Variants in ADHFE1 observed in about 807,000 individuals in gnomAD.
ADHFE1 encodes hydroxyacid-oxoacid transhydrogenase, mitochondrial.
Under a neutral mutation model 54.8 loss-of-function variants are expected in ADHFE1, and 37 were observed. The ratio of observed to expected loss-of-function variants is 0.68; its 90% CI spans 0.52 to 0.89. The LOEUF is 0.89. Among genes scored for constraint, ADHFE1 ranks in the 40% least tolerant of loss-of-function variants. The pLI is 0.00. For missense variants in ADHFE1, 601 were observed against 591.2 expected, an observed-to-expected ratio of 1.02 and a Z score of -0.17; for synonymous variants, 203 against 229.3, an observed-to-expected ratio of 0.89 and a Z score of 1.04.
chr8:66,467,756 A>G (rs939137373), intron 13 of ADHFE1, among the ~76,000 whole-genome samples: 3 of 152,186 alleles, frequency 2.0e-5, no homozygotes, highest in African/African-American at 7.2e-5. Flanking sequence ...TTAACAAATC[A>G]CTGGATTTGC....
intron 13 of ADHFE1, among the ~76,000 whole-genome samples, chr8:66,464,141 C>T (rs1351559381): frequency 1.3e-5 from 2 of 152,192 alleles, no homozygotes; most frequent in East Asian, 1.9e-4. Context: ...GAATTTATTT[C>T]GTTCCCATGT....
rs1806626144 is a variant in ADHFE1 at position 66,457,072 on chromosome 8, C to G, written c.1068C>G (p.Pro356=). The G allele has an allele frequency of 6.2e-7, 1 of 1,613,208 alleles. No homozygotes were observed. Among genetic ancestry groups the G allele is most frequent in the Middle Eastern group, 1.7e-4 (1 of 6,036 alleles). The change falls in exon 12 of 14, where the codon CCC becomes CCG. Residue 356 remains proline (P), a splice_region_variant and synonymous_variant. Transcript: ENST00000396623. ...CACCGCATTTCGTTTCTCCCCAGCC[C>G]CATGGCCTTTCTGTGGTGCTCACGT... ...KDYNVDHPLV[P]HGLSVVLTSP...
chr8:66,434,420 C>G (rs1586426112), intron 1 of ADHFE1, among the ~76,000 whole-genome samples: 1 of 99,702 alleles, frequency 1.0e-5, no homozygotes, highest in Non-Finnish European at 2.3e-5. Context: ...TAACAAAACT[C>G]TAACCTAGAA....
chr8:66,440,124 C>A (rs1487203793), intron 1 of ADHFE1, 38 bp from the exon 2 acceptor site: 14 of 1,603,658 alleles, frequency 8.7e-6, no homozygotes, highest in Non-Finnish European at 1.2e-5. Context: ...TCTATTTTCA[C>A]CTTAGGTTTT....
chr8:66,449,672 C>T (rs1360917899), intron 8 of ADHFE1, among the ~76,000 whole-genome samples: 2 of 152,210 alleles, frequency 1.3e-5, no homozygotes, highest in African/African-American at 4.8e-5. Context: ...ATGGAGACCC[C>T]ACAGGCACTT....
chr8:66,435,489 C>G (rs1480284518), intron 1 of ADHFE1, among the ~76,000 whole-genome samples: 1 of 151,854 alleles, frequency 6.6e-6, no homozygotes, highest in Non-Finnish European at 1.5e-5. Context: ...TGCTTCAGTG[C>G]TCACATTTCT....
chr8:66,432,907 A>G, intron 1 of ADHFE1: 2 of 1,138,034 alleles, frequency 1.8e-6, no homozygotes, highest in Non-Finnish European at 2.2e-6. Flanking sequence ...CAATTGACAC[A>G]TATTTATTGG....
chr8:66,437,021 TG>T (rs1805498646), intron 1 of ADHFE1, among the ~76,000 whole-genome samples: 1 of 152,040 alleles, frequency 6.6e-6, no homozygotes, highest in East Asian at 1.9e-4. Flanking sequence ...GCTGGGAAGC[TG>T]GTCAGTTGAG....
At chr8:66,465,532 A>G (rs1017682253) in intron 13 of ADHFE1, among the ~76,000 whole-genome samples, 11 of 152,174 alleles carry the variant, frequency 7.2e-5, no homozygotes, top group African/African-American at 2.7e-4. Context: ...TTGGAGAAAT[A>G]ACTAATCAAG....
At position 66,442,860 on chromosome 8, in the gene ADHFE1, C is replaced by A; in HGVS notation, c.144+16C>A. ...TGCCTTTGAGGTATATTCACTCAAT[C>A]CATTATTTCTTTTATGAATGACTAG... On this transcript the variant is annotated intron_variant, in intron 3 of 13. Coordinates refer to ENST00000396623, the MANE Select transcript of ADHFE1 (RefSeq NM_144650.3). 1 of 1,547,996 alleles carries A rather than the reference C, an allele frequency of 6.5e-7. No homozygotes were observed. The highest frequency in any genetic ancestry group is 1.2e-5 in the South Asian group (1 of 80,096).
At position 66,447,247 on chromosome 8, in the gene ADHFE1, A is replaced by G; in HGVS notation, c.551-17A>G. ...TTATTTAGATGCTTTATTAAAATTA[A>G]TATTATTTTGTTCAAGTGCCAACTA... On this transcript the variant is annotated splice_polypyrimidine_tract_variant and intron_variant, in intron 6 of 13. Coordinates refer to ENST00000396623, the MANE Select transcript of ADHFE1 (RefSeq NM_144650.3). 2 of 1,606,982 alleles carry G rather than the reference A, an allele frequency of 1.2e-6. No individual in the cohort carries two copies. Among genetic ancestry groups the G allele is most frequent in the African/African-American group, 1.3e-5 (1 of 74,838 alleles).
Position 66,451,956 on chromosome 8 carries a change from T to C in ADHFE1, c.738T>C (p.His246=), listed in dbSNP as rs757767088. The change falls in exon 9 of 14, where the codon CAT becomes CAC. Residue 246 remains histidine, a synonymous_variant. Coordinates refer to ENST00000396623, the MANE Select transcript of ADHFE1 (RefSeq NM_144650.3). ...VANSGFDVLC[H]ALESYTTLPY... ...TACTTTCAATATTTCTTTTTAGCCA[T>C]GCCCTGGAGTCATACACCACCCTGC... The C allele has an allele frequency of 4.3e-6, 7 of 1,613,114 alleles. No individual in the cohort carries two copies. The highest frequency in any genetic ancestry group is 2.7e-5 in the African/African-American group (2 of 74,850).
At chr8:66,438,516 C>A (rs1805578366) in intron 1 of ADHFE1, among the ~76,000 whole-genome samples, 1 of 152,138 alleles carries the variant, frequency 6.6e-6, no homozygotes, top group African/African-American at 2.4e-5. Flanking sequence ...GCGTTTCATG[C>A]TGCTAGAGTG....
chr8:66,443,264 ATTTT>A (rs540464621), intron 3 of ADHFE1, among the ~76,000 whole-genome samples: 5 of 86,096 alleles, frequency 5.8e-5, no homozygotes, highest in African/African-American at 1.7e-4. Flanking sequence ...TAGTCCAGGA[ATTTT>A]TTTTTTTTTT....
intron 13 of ADHFE1, 114 bp downstream of exon 13, chr8:66,460,579 T>C: frequency 7.7e-7 from 1 of 1,292,368 alleles, no homozygotes; most frequent in Non-Finnish European, 1.0e-6. Context: ...CCGGTGGTTC[T>C]CGGGTCTCCT....
chr8:66,463,539 G>A (rs905653741), intron 13 of ADHFE1, among the ~76,000 whole-genome samples: 4 of 152,158 alleles, frequency 2.6e-5, no homozygotes, highest in Middle Eastern at 3.2e-3. Flanking sequence ...TTCACAGATC[G>A]ATAGGACTTT....
In ADHFE1 at chr8:66,457,093, C is replaced by G; in HGVS notation, c.1089C>G (p.Leu363=). The G allele has an allele frequency of 6.2e-7, 1 of 1,613,776 alleles. No homozygotes were observed. The change falls in exon 12 of 14, where the codon CTC becomes CTG. Residue 363 remains leucine, a synonymous_variant. Coordinates refer to ENST00000396623, the MANE Select transcript of ADHFE1 (RefSeq NM_144650.3). Reference sequence around the variant, plus strand: ...AGCCCCATGGCCTTTCTGTGGTGCTCACGTCCCCAGCGGTGTTCACTTTCA... The same window carrying G: ...AGCCCCATGGCCTTTCTGTGGTGCTGACGTCCCCAGCGGTGTTCACTTTCA... ...PLVPHGLSVV[L]TSPAVFTFTA...
intron 9 of ADHFE1, among the ~76,000 whole-genome samples, 169 bp downstream of exon 9, chr8:66,452,274 G>A (rs557746641): frequency 3.0e-4 from 46 of 152,326 alleles, no homozygotes; most frequent in African/African-American, 1.0e-3. Flanking sequence ...GGACCCAAGG[G>A]ACAGGCAGAT....
intron 1 of ADHFE1, among the ~76,000 whole-genome samples, chr8:66,434,511 T>C (rs1344657207): frequency 6.6e-6 from 1 of 152,240 alleles, no homozygotes; most frequent in Non-Finnish European, 1.5e-5. Flanking sequence ...CTGCACATGC[T>C]TATTATTCTA....
Sources: allele counts gnomAD v4.1 joint callset (sites outside exome capture counted in the v4.1 genomes callset), GRCh38; gene constraint gnomAD v4.1.1; transcripts MANE v1.5; gene names NCBI Gene and HGNC (gene_info 2026-07-23, HGNC 2026-07-21).